KLRF1: variants seen among roughly 807,000 people sequenced by gnomAD.
KLRF1 encodes killer cell lectin like receptor F1.
A neutral mutation model predicts 30.7 loss-of-function variants in KLRF1; 27 were observed. The observed-to-expected ratio is 0.88, with a 90% CI of 0.65 to 1.21. KLRF1 has a LOEUF of 1.21. Among genes scored for constraint, KLRF1 ranks in the 50% most tolerant of loss-of-function variants. The pLI, the probability that KLRF1 is intolerant of heterozygous loss-of-function variation, is 0.00. For missense variants in KLRF1, 246 were observed against 259.3 expected (o/e 0.95, Z 0.35); for synonymous variants, 92 against 89.3 (o/e 1.03, Z -0.17).
At chr12:9,839,330 A>G (rs776638182) in intron 3 of KLRF1, among the ~76,000 whole-genome samples, 1 of 152,006 alleles carries the variant, frequency 6.6e-6, no homozygotes, top group Non-Finnish European at 1.5e-5. Context: ...CCCACCTCCT[A>G]ATACCATCAT....
chr12:9,809,569 A>G, the KLRF1 span, among the ~76,000 whole-genome samples: 26 of 152,176 alleles, frequency 1.7e-4, no homozygotes, highest in Non-Finnish European at 3.2e-4. Context: ...AATTGTTCCA[A>G]CAGCTGTCAT....
At chr12:9,807,280 A>G in the KLRF1 span, among the ~76,000 whole-genome samples, 1 of 152,060 alleles carries the variant, frequency 6.6e-6, no homozygotes, top group South Asian at 2.1e-4. Context: ...TTGTGTTATT[A>G]CTTTATATAA....
chr12:9,828,255 G>A (rs1867326885), intron 1 of KLRF1, among the ~76,000 whole-genome samples: 1 of 151,720 alleles, frequency 6.6e-6, no homozygotes, highest in South Asian at 2.1e-4. Flanking sequence ...AATTTTTTGC[G>A]TTTTTAGTAG....
the KLRF1 span, among the ~76,000 whole-genome samples, chr12:9,818,569 A>C: frequency 6.6e-6 from 1 of 152,236 alleles, no homozygotes; most frequent in Non-Finnish European, 1.5e-5. Flanking sequence ...TGTTCCTAAA[A>C]TATGTGATTG....
the KLRF1 span, among the ~76,000 whole-genome samples, chr12:9,808,381 A>T: frequency 6.6e-6 from 1 of 151,186 alleles, no homozygotes; most frequent in Non-Finnish European, 1.5e-5. Flanking sequence ...TTGCTTTTTG[A>T]TTTTTTTTTC....
chr12:9,832,250 A>C, intron 1 of KLRF1, 66 bp from the exon 2 acceptor site: 5 of 840,848 alleles, frequency 5.9e-6, no homozygotes, highest in Non-Finnish European at 1.0e-5. Flanking sequence ...CTATTATTAC[A>C]ATTGCTATTG....
At chr12:9,820,062 A>C in the KLRF1 span, among the ~76,000 whole-genome samples, 1 of 152,192 alleles carries the variant, frequency 6.6e-6, no homozygotes, top group Non-Finnish European at 1.5e-5. Flanking sequence ...GAAAGTGGCC[A>C]GAGTGCTTTT....
the KLRF1 span, among the ~76,000 whole-genome samples, chr12:9,813,362 G>A: frequency 7.2e-5 from 11 of 151,788 alleles, no homozygotes; most frequent in African/African-American, 2.7e-4. Context: ...GCTGGAGTGC[G>A]GTGGTATGAT....
the KLRF1 span, among the ~76,000 whole-genome samples, chr12:9,801,093 C>T: frequency 7.2e-5 from 11 of 151,998 alleles, no homozygotes; most frequent in East Asian, 7.8e-4. Flanking sequence ...TGAGAGCATG[C>T]GGTGTTTGGT....
At chr12:9,811,255 C>G in the KLRF1 span, among the ~76,000 whole-genome samples, 79,782 of 139,284 alleles carry the variant, frequency 0.57, 24,733 homozygotes, top group Middle Eastern at 0.71. Context: ...AAGGAGACAT[C>G]ACACATCAGA....
the KLRF1 span, among the ~76,000 whole-genome samples, chr12:9,821,960 A>G: frequency 4.1e-4 from 62 of 152,370 alleles, no homozygotes; most frequent in East Asian, 8.3e-3. Flanking sequence ...GTTGCAAGTA[A>G]AGACCCTGCA....
intron 1 of KLRF1, among the ~76,000 whole-genome samples, chr12:9,830,238 A>G (rs1028135628): frequency 1.3e-5 from 2 of 152,098 alleles, no homozygotes; most frequent in Non-Finnish European, 2.9e-5. Flanking sequence ...TGGATTATAC[A>G]GGGCACTGAT....
At chr12:9,839,475 G>C (rs1273874506) in intron 3 of KLRF1, among the ~76,000 whole-genome samples, 1 of 151,982 alleles carries the variant, frequency 6.6e-6, no homozygotes, top group Non-Finnish European at 1.5e-5. Flanking sequence ...AAAAGAGAAA[G>C]ATATCAGATA....
chr12:9,811,319 CAAAAAAAA>C, the KLRF1 span, among the ~76,000 whole-genome samples: 1 of 62,184 alleles, frequency 1.6e-5, no homozygotes, highest in Non-Finnish European at 3.0e-5. Flanking sequence ...AGAAGTAGTC[CAAAAAAAA>C]AAAAAAAAAG....
the KLRF1 span, among the ~76,000 whole-genome samples, chr12:9,802,672 C>G: frequency 6.6e-6 from 1 of 151,972 alleles, no homozygotes; most frequent in Non-Finnish European, 1.5e-5. Context: ...CAATAACAGA[C>G]AAGCAGAGAA....
the KLRF1 span, among the ~76,000 whole-genome samples, chr12:9,815,905 G>A: frequency 4.6e-5 from 7 of 152,200 alleles, no homozygotes; most frequent in Middle Eastern, 0.01. Context: ...TGAAACCTCC[G>A]CCTCCTGGAT....
chr12:9,801,669 C>G, the KLRF1 span, among the ~76,000 whole-genome samples: 1 of 151,918 alleles, frequency 6.6e-6, no homozygotes, highest in African/African-American at 2.4e-5. Flanking sequence ...CTGTTCATAT[C>G]CTTTGCCCAC....
chr12:9,800,610 A>G, the KLRF1 span, among the ~76,000 whole-genome samples: 1 of 152,014 alleles, frequency 6.6e-6, no homozygotes, highest in Non-Finnish European at 1.5e-5. Flanking sequence ...TTACCTAATG[A>G]CATATGATAT....
At chr12:9,835,196 A>C (rs940905974) in intron 3 of KLRF1, among the ~76,000 whole-genome samples, 1 of 152,140 alleles carries the variant, frequency 6.6e-6, no homozygotes, top group East Asian at 1.9e-4. Context: ...ACTAGTGTGC[A>C]TGTACCTGTC....
Sources: gnomAD v4.1 joint callset for allele counts (sites outside exome capture counted in the v4.1 genomes callset) on GRCh38, gnomAD v4.1.1 for gene constraint, MANE v1.5 for transcripts, NCBI Gene and HGNC (gene_info 2026-07-23, HGNC 2026-07-21) for gene names.